The following TCF20 variants were observed in gnomAD, a reference collection of about 807,000 sequenced individuals.
The protein encoded by TCF20 is transcription factor 20.
In TCF20, 3 loss-of-function variants were observed where a neutral mutation model predicts 148.6. That is an observed-to-expected ratio of 0.02 (90% CI 0.01 to 0.05). TCF20 has a LOEUF of 0.05. Among genes scored for constraint, TCF20 ranks in the 10% least tolerant of loss-of-function variants. The pLI, the probability that TCF20 is intolerant of heterozygous loss-of-function variation, is 1.00. For synonymous variants in TCF20, 1,049 were observed against 909.5 expected (o/e 1.15, Z -2.76); for missense variants, 2,350 against 2,429.3 (o/e 0.97, Z 0.69).
At chr22:42,244,760 T>C (rs1391682188) in intron 1 of TCF20, among the ~76,000 whole-genome samples, 1 of 152,094 alleles carries the variant, frequency 6.6e-6, no homozygotes, top group Non-Finnish European at 1.5e-5. Context: ...AAATGATTAA[T>C]TTTGTCACGT....
chr22:42,217,416 C>T (rs1374566293), intron 1 of TCF20, among the ~76,000 whole-genome samples: 4 of 152,180 alleles, frequency 2.6e-5, no homozygotes, highest in Non-Finnish European at 5.9e-5. Flanking sequence ...CTGTAACTCC[C>T]TCCCCTGTTT....
chr22:42,160,548 A>T lies in TCF20; in HGVS notation c.*855T>A, dbSNP rs561479802. ...ATTTTGCTGCTGCTGTGTACACTTG[A>T]TGGGGTCCTTGAGGTCCTCACCAGC... On this transcript the variant is annotated 3_prime_UTR_variant, in exon 6 of 6. Transcript: ENST00000677622. 3 of 152,478 alleles carry T rather than the reference A, an allele frequency of 2.0e-5. No individual in the cohort carries two copies. The highest frequency in any genetic ancestry group is 7.2e-5 in the African/African-American group (3 of 41,420). 9.4% of individuals were successfully genotyped at this position (152,478 alleles called of 1,614,324 possible).
chr22:42,296,298 C>G (rs1003309047), intron 1 of TCF20, among the ~76,000 whole-genome samples: 1 of 152,268 alleles, frequency 6.6e-6, no homozygotes, highest in Non-Finnish European at 1.5e-5. Flanking sequence ...TCAGCAAGTA[C>G]TGGCTCAGTG....
intron 2 of TCF20, among the ~76,000 whole-genome samples, chr22:42,186,953 A>G (rs1395026177): frequency 4.6e-5 from 7 of 152,204 alleles, no homozygotes; most frequent in Non-Finnish European, 1.0e-4. Context: ...AGAATGAGAA[A>G]AACCGCCTCA....
Position 42,214,289 on chromosome 22 carries a change from G to C in TCF20, c.1017C>G (p.Pro339=). 1 of 1,614,200 alleles carries C rather than the reference G, an allele frequency of 6.2e-7. No homozygotes were observed. Among genetic ancestry groups the C allele is most frequent in the South Asian group, 1.1e-5 (1 of 91,072 alleles). The part of the protein sequence containing the change: ...MQYTNAATKL[P]LQSQVGQYNQ... Reference sequence around the variant, plus strand: ...TGTACTGCCCCACTTGGCTTTGCAGGGGCAGCTTGGTGGCAGCGTTAGTAT... The same window carrying C: ...TGTACTGCCCCACTTGGCTTTGCAGCGGCAGCTTGGTGGCAGCGTTAGTAT... Residue 339 remains proline (P), a synonymous_variant, in exon 2 of 6, where the codon CCC becomes CCG. Transcript: ENST00000677622.
In TCF20 at chr22:42,214,593, G is replaced by C. The variant is rs200443690; in HGVS notation, c.713C>G (p.Ser238Cys). The C allele has an allele frequency of 8.1e-6, 13 of 1,614,134 alleles. No individual in the cohort carries two copies. The highest frequency in any genetic ancestry group is 3.4e-6 in the Non-Finnish European group (4 of 1,180,046). ...VGQFGQHYQSSASSSSSSSFP... is the reference protein window; with the variant it reads ...VGQFGQHYQSCASSSSSSSFP... ...GGAGGAGGAGGAGGAGGAGGAAGCA[G>C]AAGACTGATAGTGTTGGCCAAACTG... is the stretch of plus-strand genomic sequence containing the variant. Residue 238 changes from serine to cysteine, a missense_variant, in exon 2 of 6, where the codon TCT becomes TGT. This residue lies in a region of TCF20 where 1,641 missense variants were observed against 1,662.6 expected (regional missense o/e 0.99). Coordinates refer to ENST00000677622, the MANE Select transcript of TCF20 (RefSeq NM_001378418.1).
At chr22:42,322,272 C>G (rs1231627655) in intron 1 of TCF20, among the ~76,000 whole-genome samples, 2 of 151,872 alleles carry the variant, frequency 1.3e-5, no homozygotes, top group African/African-American at 4.8e-5. Context: ...GGAGGGGCAG[C>G]TGTGAACACT....
intron 1 of TCF20, among the ~76,000 whole-genome samples, chr22:42,218,742 C>T (rs1278675900): frequency 6.6e-6 from 1 of 152,156 alleles, no homozygotes; most frequent in East Asian, 1.9e-4. Context: ...CCACTTTAAA[C>T]ATCAGGGTAT....
intron 1 of TCF20, among the ~76,000 whole-genome samples, chr22:42,235,141 CAAAAA>C (rs34834610): frequency 9.2e-6 from 1 of 109,250 alleles, no homozygotes; most frequent in African/African-American, 4.1e-5. Context: ...GACTCTGTCT[CAAAAA>C]AAAAAAAAAA....
rs199969460 is a variant in TCF20 at position 42,212,426 on chromosome 22, A to G, written c.2880T>C (p.Ser960=). 2 of 1,614,220 alleles carry G rather than the reference A, an allele frequency of 1.2e-6. No individual in the cohort carries two copies. Among genetic ancestry groups the G allele is most frequent in the African/African-American group, 1.3e-5 (1 of 75,058 alleles). The change falls in exon 2 of 6, where the codon TCT becomes TCC. Residue 960 remains serine, a synonymous_variant. Coordinates refer to ENST00000677622, the MANE Select transcript of TCF20 (RefSeq NM_001378418.1). Reference sequence around the variant, plus strand: ...CTCCAGGGCTGGCATTGCCGCGGTAAGACTCATGCTTGATGCTAGGAGGAT... The same window carrying G: ...CTCCAGGGCTGGCATTGCCGCGGTAGGACTCATGCTTGATGCTAGGAGGAT... ...HCHPPSIKHE[S]YRGNASPGAA... is the part of the protein sequence containing the mutation.
At chr22:42,300,252 G>A (rs1927312898) in intron 1 of TCF20, among the ~76,000 whole-genome samples, 1 of 152,130 alleles carries the variant, frequency 6.6e-6, no homozygotes, top group South Asian at 2.1e-4. Flanking sequence ...TAGGAGGCTG[G>A]GCAGGTGGCC....
At chr22:42,257,215 C>T (rs962724381) in intron 1 of TCF20, among the ~76,000 whole-genome samples, 2 of 152,134 alleles carry the variant, frequency 1.3e-5, no homozygotes, top group Non-Finnish European at 2.9e-5. Context: ...ACAGGGCAGG[C>T]GGTTCTCTGG....
chr22:42,210,504 G>C lies in TCF20; in HGVS notation c.4802C>G (p.Ala1601Gly), dbSNP rs374508856. Residue 1601 changes from alanine (A) to glycine (G), a missense_variant, in exon 2 of 6, where the codon GCA (alanine) becomes GGA (glycine). Coordinates refer to ENST00000677622, the MANE Select transcript of TCF20 (RefSeq NM_001378418.1). The surrounding 1 kb of genome is among the most constrained non-coding windows in gnomAD (Gnocchi z 4.7). ...TTCTTGGGGTTCCACAATGGGAACT[G>C]CTTGTTTGGTTTTTCGCTTCCTCGG... ...AQPRKRKTKQAVPIVEPQEPE... is the reference protein window; with the variant it reads ...AQPRKRKTKQGVPIVEPQEPE... The C allele has an allele frequency of 6.2e-7, 1 of 1,614,104 alleles. No homozygotes were observed. The highest frequency in any genetic ancestry group is 1.3e-5 in the African/African-American group (1 of 74,930).
intron 5 of TCF20, among the ~76,000 whole-genome samples, chr22:42,161,776 G>T (rs560092663): frequency 6.6e-6 from 1 of 152,120 alleles, no homozygotes; most frequent in Non-Finnish European, 1.5e-5. Context: ...GAAACTTCTC[G>T]AAGTCCAGCC....
At position 42,212,068 on chromosome 22, in the gene TCF20, T is replaced by C. The variant is rs759077655; in HGVS notation, c.3238A>G (p.Asn1080Asp). 14 of 1,614,010 alleles carry C rather than the reference T, an allele frequency of 8.7e-6. No homozygotes were observed. The highest frequency in any genetic ancestry group is 1.2e-5 in the Non-Finnish European group (14 of 1,180,032). ...HAYGDPNAGL[N>D]SQLHYKRQMY... ...TGTCTCTTATAATGCAGCTGAGAAT[T>C]CAAACCTGCGTTAGGGTCCCCATAA... The change falls in exon 2 of 6, where the codon AAT becomes GAT. Residue 1080 changes from asparagine to aspartate, a missense_variant. Around this residue, in one of 7 missense-constraint regions of TCF20, gnomAD observed 1,641 missense variants for 1,662.6 expected, o/e 0.99. Coordinates refer to ENST00000677622, the MANE Select transcript of TCF20 (RefSeq NM_001378418.1).
chr22:42,221,183 C>G (rs1027388657), intron 1 of TCF20, among the ~76,000 whole-genome samples: 1 of 152,104 alleles, frequency 6.6e-6, no homozygotes, highest in African/African-American at 2.4e-5. Flanking sequence ...GATGATATTC[C>G]CTGGAGGTAG....
chr22:42,318,449 C>T (rs370580861), intron 1 of TCF20, among the ~76,000 whole-genome samples: 13 of 152,230 alleles, frequency 8.5e-5, no homozygotes, highest in South Asian at 2.1e-4. Flanking sequence ...GGGAGGAGTG[C>T]GGCGCAGCGG....
intron 1 of TCF20, among the ~76,000 whole-genome samples, chr22:42,310,916 G>T (rs372278621): frequency 1.3e-5 from 2 of 152,222 alleles, no homozygotes; most frequent in African/African-American, 4.8e-5. Context: ...TTGATGAGGC[G>T]GAGGCTCAAT....
At chr22:42,306,882 T>C (rs1927443597) in intron 1 of TCF20, among the ~76,000 whole-genome samples, 1 of 151,598 alleles carries the variant, frequency 6.6e-6, no homozygotes, top group Non-Finnish European at 1.5e-5. Context: ...CTACTAAAAA[T>C]ACAAAAATTA....
Sources: allele counts gnomAD v4.1 joint callset (sites outside exome capture counted in the v4.1 genomes callset), GRCh38; gene constraint gnomAD v4.1.1; regional missense constraint gnomAD v4.1.1; non-coding constraint Gnocchi (gnomAD v3.1); transcripts MANE v1.5; gene names NCBI Gene and HGNC (gene_info 2026-07-23, HGNC 2026-07-21).